Variants in SMG1 observed in about 807,000 individuals in gnomAD.
SMG1 encodes the protein SMG1 nonsense mediated mRNA decay associated PI3K related kinase, also known as serine/threonine-protein kinase SMG1.
In SMG1, 22 loss-of-function variants were observed where a neutral mutation model predicts 419.9. The ratio of observed to expected loss-of-function variants is 0.05; its 90% CI spans 0.04 to 0.07. The LOEUF (loss-of-function observed/expected upper bound fraction) is 0.07. SMG1 is among the 10% of genes least tolerant of loss of function. The pLI, the probability that SMG1 is intolerant of heterozygous loss-of-function variation, is 1.00. For missense variants in SMG1, 3,185 were observed against 4,342.0 expected, an observed-to-expected ratio of 0.73 and a Z score of 7.49; for synonymous variants, 1,538 against 1,553.5, an observed-to-expected ratio of 0.99 and a Z score of 0.23.
At chr16:18,910,298 T>C (rs1226144296) in intron 1 of SMG1, among the ~76,000 whole-genome samples, 1 of 150,896 alleles carries the variant, frequency 6.6e-6, no homozygotes, top group Admixed American at 6.6e-5. Context: ...TGGTGTGATC[T>C]TGGCTCACTG....
chr16:18,916,965 A>C (rs2038006381), intron 1 of SMG1, among the ~76,000 whole-genome samples: 1 of 152,046 alleles, frequency 6.6e-6, no homozygotes, highest in Non-Finnish European at 1.5e-5. Flanking sequence ...GACACCATGG[A>C]CCACACTCCA....
intron 6 of SMG1, among the ~76,000 whole-genome samples, chr16:18,885,905 T>C (rs1009874666): frequency 2.6e-5 from 4 of 151,916 alleles, no homozygotes; most frequent in African/African-American, 4.8e-5. Flanking sequence ...GAGATTGCAC[T>C]GCTGCACTCC....
chr16:18,847,687 T>C, intron 37 of SMG1, 80 bp from the exon 38 acceptor site: 1 of 1,590,456 alleles, frequency 6.3e-7, no homozygotes, highest in Non-Finnish European at 8.6e-7. Context: ...CTTTGTAAGT[T>C]AAGTGTGTGC....
At position 18,858,648 on chromosome 16, in the gene SMG1, T is replaced by C. The variant is rs376148359; in HGVS notation, c.4114-358A>G. On this transcript the variant is annotated intron_variant, in intron 28 of 62. Coordinates refer to ENST00000446231, the MANE Select transcript of SMG1 (RefSeq NM_015092.5). ...TTTATAATGAAGTTCTCGAAGATCA[T>C]CATTCATTCAGAAGCCCCCATCTCT... The C allele has an allele frequency of 3.7e-5, 8 of 213,938 alleles. No individual in the cohort carries two copies. In the South Asian group the frequency reaches 5.2e-4, roughly 14 times the overall value. 13.3% of individuals were successfully genotyped at this position (213,938 alleles called of 1,614,324 possible).
chr16:18,838,241 A>C lies in SMG1; in HGVS notation c.7195-9T>G. ...CGCATAATGTGTAAAACCTGTTTTC[A>C]GGAGAGTTTTTAAAATAAGGTCTGC... On this transcript the variant is annotated splice_polypyrimidine_tract_variant and intron_variant, in intron 44 of 62. Coordinates refer to ENST00000446231, the MANE Select transcript of SMG1 (RefSeq NM_015092.5). 6.2e-7 allele frequency: 1 copy of C among 1,609,304 alleles called. No individual in the cohort carries two copies. Among genetic ancestry groups the C allele is most frequent in the South Asian group, 1.1e-5 (1 of 90,682 alleles).
At chr16:18,881,150 A>T (rs1473749773) in intron 10 of SMG1, among the ~76,000 whole-genome samples, 2 of 151,212 alleles carry the variant, frequency 1.3e-5, no homozygotes, top group Admixed American at 6.6e-5. Flanking sequence ...AAATTTAAAA[A>T]AAAAAAACCA....
Position 18,842,441 on chromosome 16 carries a change from A to G in SMG1, c.6233T>C (p.Leu2078Ser). The G allele has an allele frequency of 6.2e-7, 1 of 1,613,740 alleles. No homozygotes were observed. Among genetic ancestry groups the G allele is most frequent in the Non-Finnish European group, 8.5e-7 (1 of 1,179,706 alleles). The change falls in exon 40 of 63, where the codon TTG (leucine) becomes TCG (serine). Residue 2078 changes from leucine (L) to serine (S), a missense_variant. By Grantham distance (145) the Leu-to-Ser change is moderately radical. This residue lies in a region of SMG1 where 159 missense variants were observed against 196.0 expected (regional missense o/e 0.81). Coordinates refer to ENST00000446231, the MANE Select transcript of SMG1 (RefSeq NM_015092.5). ...WIPFKEIMLS[L>S]QQRAQKRASY... ...TGCACGTTTCTGTGCTCTCTGTTGC[A>G]AACTTAGCATTATCTATATTCATAA...
At chr16:18,917,313 C>A (rs1007318627) in intron 1 of SMG1, among the ~76,000 whole-genome samples, 5 of 151,630 alleles carry the variant, frequency 3.3e-5, no homozygotes, top group African/African-American at 1.2e-4. Context: ...CCACCATGCC[C>A]GGCTAATTAT....
rs199666646 is a variant in SMG1, at chr16:18,852,219, C to G, written c.4914-14G>C. ...CCTTCTCCCTGACTATAAAAATAAACAAGTCATCAGTATTTCAGCTACCCA... is the reference window on the plus strand; with the variant it reads ...CCTTCTCCCTGACTATAAAAATAAAGAAGTCATCAGTATTTCAGCTACCCA... On this transcript the variant is annotated splice_polypyrimidine_tract_variant and intron_variant, in intron 32 of 62. Coordinates refer to ENST00000446231, the MANE Select transcript of SMG1 (RefSeq NM_015092.5). 177 of 1,609,764 alleles carry G rather than the reference C, an allele frequency of 1.1e-4. 1 individual carries two copies. The Admixed American group carries it at 2.9e-3, about 27-fold the overall frequency.
intron 1 of SMG1, among the ~76,000 whole-genome samples, chr16:18,898,721 C>T (rs1337287296): frequency 6.6e-6 from 1 of 152,196 alleles, no homozygotes; most frequent in African/African-American, 2.4e-5. Flanking sequence ...TAAATGGAGT[C>T]TGCCAATATT....
In SMG1 at chr16:18,866,712, C is replaced by T. The variant is rs1215295483; in HGVS notation, c.3259G>A (p.Glu1087Lys). 2 of 1,596,628 alleles carry T rather than the reference C, an allele frequency of 1.3e-6. No homozygotes were observed. The highest frequency in any genetic ancestry group is 2.7e-5 in the African/African-American group (2 of 74,822). Residue 1087 changes from glutamate to lysine, a missense_variant, in exon 23 of 63, where the codon GAA becomes AAA. By Grantham distance (56) the Glu-to-Lys change is moderately conservative. Coordinates refer to ENST00000446231, the MANE Select transcript of SMG1 (RefSeq NM_015092.5). Reference sequence around the variant, plus strand: ...CAGACAGCAATTCCCTGTATAGCTTCAGGACAATGAAGTTCACATAATGCT... The same window carrying T: ...CAGACAGCAATTCCCTGTATAGCTTTAGGACAATGAAGTTCACATAATGCT... ...VEALCELHCP[E>K]AIQGIAVWSS...
intron 31 of SMG1, 75 bp downstream of exon 31, chr16:18,853,508 A>G: frequency 8.0e-7 from 1 of 1,249,812 alleles, no homozygotes; most frequent in Non-Finnish European, 1.1e-6. Flanking sequence ...TAGCCAGCAT[A>G]ACATTATAAA....
At position 18,819,083 on chromosome 16, in the gene SMG1, C is replaced by T. The variant is rs558574520; in HGVS notation, c.9894+419G>A. 7.1e-4 allele frequency among the ~76,000 whole-genome samples: 108 copies of T among 152,034 alleles called. 1 individual carries two copies. The highest frequency in any genetic ancestry group is 2.5e-3 in the African/African-American group (104 of 41,518). On this transcript the variant is annotated intron_variant, in intron 56 of 62. Coordinates refer to ENST00000446231, the MANE Select transcript of SMG1 (RefSeq NM_015092.5). ...CCACCCACCTCAGCCTCCCAAAGTG[C>T]TGGGATTACAGGCGTAAGCCACGGC...
intron 27 of SMG1, 54 bp downstream of exon 27, chr16:18,859,502 T>C (rs2035097097): frequency 4.7e-6 from 4 of 851,860 alleles, no homozygotes; most frequent in Non-Finnish European, 7.5e-6. Flanking sequence ...ACCCCATGTA[T>C]GTTTATCACA....
chr16:18,864,241 G>A, intron 23 of SMG1, 97 bp from the exon 24 acceptor site: 3 of 1,121,042 alleles, frequency 2.7e-6, no homozygotes, highest in Non-Finnish European at 3.6e-6. Context: ...TCTTGCCCAG[G>A]CTGGAGTGCA....
intron 53 of SMG1, 22 bp from the exon 54 acceptor site, chr16:18,829,777 T>C: frequency 6.4e-7 from 1 of 1,571,498 alleles, no homozygotes; most frequent in Non-Finnish European, 8.6e-7. Context: ...AAAAATTTCT[T>C]GTATTTCATG....
Position 18,839,698 on chromosome 16 carries a change from C to T in SMG1, c.6945G>A (p.Gln2315=), listed in dbSNP as rs1430015875. ...TTPDEWWRVT[Q]SYARSTAVMS... Reference sequence around the variant, plus strand: ...GTATAGTCTAAAACAAAGCACATACCTGCGTAACTCTCCACCATTCATCAG... The same window carrying T: ...GTATAGTCTAAAACAAAGCACATACTTGCGTAACTCTCCACCATTCATCAG... The change falls in exon 42 of 63, where the codon CAG becomes CAA. Residue 2315 remains glutamine, a splice_region_variant and synonymous_variant. Coordinates refer to ENST00000446231, the MANE Select transcript of SMG1 (RefSeq NM_015092.5). 6.2e-7 allele frequency: 1 copy of T among 1,613,976 alleles called. No homozygotes were observed. Among genetic ancestry groups the T allele is most frequent in the African/African-American group, 1.3e-5 (1 of 75,042 alleles).
chr16:18,839,977 AAAG>A (rs1361773514), intron 41 of SMG1, 31 bp from the exon 42 acceptor site: 1 of 1,498,620 alleles, frequency 6.7e-7, no homozygotes, highest in Non-Finnish European at 9.0e-7. Context: ...TTAAAAAAGA[AAAG>A]ATCAATTTTA....
At chr16:18,890,394 T>C (rs1045597986) in intron 5 of SMG1, among the ~76,000 whole-genome samples, 4 of 152,136 alleles carry the variant, frequency 2.6e-5, no homozygotes, top group South Asian at 2.1e-4. Flanking sequence ...TCCCAACACT[T>C]TGGGAGGCTA....
Sources: gnomAD v4.1 joint callset for allele counts (sites outside exome capture counted in the v4.1 genomes callset) on GRCh38, gnomAD v4.1.1 for gene constraint, gnomAD v4.1.1 regional missense constraint, MANE v1.5 for transcripts, NCBI Gene and HGNC (gene_info 2026-07-23, HGNC 2026-07-21) for gene names.